Variants in PARP9 observed in about 807,000 individuals in gnomAD.
PARP9 encodes the protein protein mono-ADP-ribosyltransferase PARP9.
PARP9 carries 48 observed loss-of-function variants against 68.8 expected under a neutral mutation model. The ratio of observed to expected loss-of-function variants is 0.70; its 90% CI spans 0.55 to 0.89. The LOEUF (loss-of-function observed/expected upper bound fraction) is 0.89, where lower values mean the gene tolerates loss of function less well. Among genes scored for constraint, PARP9 ranks in the 40% least tolerant of loss-of-function variants. PARP9 has a pLI of 0.00. For missense variants in PARP9, 806 were observed against 969.3 expected (o/e 0.83, Z 2.24); for synonymous variants, 309 against 333.8 (o/e 0.93, Z 0.81).
rs1396892729 is a variant in PARP9, at chr3:122,545,442, G to T, written c.1374C>A (p.Asn458Lys). The change falls in exon 7 of 11, where the codon AAC (asparagine) becomes AAA (lysine). Residue 458 changes from asparagine (N) to lysine (K), a missense_variant. Physicochemically the swap from Asn to Lys is moderately conservative, Grantham distance 94. Transcript: ENST00000682323. ...MAKRSKMLSL[N>K]NYSVPQSTRE... ...GAATTTCTTACTCACCACTGTAATT[G>T]TTCAAACTCAGCATCTTGGACCTCT... 3 of 1,614,194 alleles carry T rather than the reference G, an allele frequency of 1.9e-6. No homozygotes were observed. Among genetic ancestry groups the T allele is most frequent in the Non-Finnish European group, 2.5e-6 (3 of 1,180,024 alleles).
chr3:122,534,791 G>A (rs917651550), intron 10 of PARP9: 3 of 436,914 alleles, frequency 6.9e-6, no homozygotes, highest in African/African-American at 4.3e-5. Flanking sequence ...CAGGAGAACT[G>A]TTTGAATCTC....
Position 122,528,449 on chromosome 3 carries a change from T to C in PARP9, c.2375A>G (p.Gln792Arg). 11 of 1,614,240 alleles carry C rather than the reference T, an allele frequency of 6.8e-6. No homozygotes were observed. Among genetic ancestry groups the C allele is most frequent in the Non-Finnish European group, 9.3e-6 (11 of 1,180,040 alleles). The change falls in exon 11 of 11, where the codon CAG becomes CGG. Residue 792 changes from glutamine (Q) to arginine (R), a missense_variant. This residue lies in a region of PARP9 where 680 missense variants were observed against 858.8 expected (regional missense o/e 0.79). Coordinates refer to ENST00000682323, the MANE Select transcript of PARP9 (RefSeq NM_001146105.2). ...TGGTCCTGATGAGTAATCTTGTGAC[T>C]GTACATATTCCTGGGTGCATGTCCA... ...YLWTCTQEYV[Q>R]SQDYSSGPMR...
intron 6 of PARP9, chr3:122,545,717 G>T: frequency 1.9e-6 from 1 of 526,278 alleles, no homozygotes; most frequent in Non-Finnish European, 3.4e-6. Flanking sequence ...ATCAAAATCT[G>T]GTATAAATAA....
chr3:122,553,978 G>A (rs1000243574), intron 4 of PARP9, among the ~76,000 whole-genome samples: 8 of 152,044 alleles, frequency 5.3e-5, no homozygotes, highest in East Asian at 1.9e-4. Flanking sequence ...TAGGTTCACC[G>A]CTACCCTGAC....
intron 7 of PARP9, 83 bp from the exon 8 acceptor site, chr3:122,540,935 A>G (rs9868934): frequency 0.59 from 836,189 of 1,422,302 alleles, 249,077 homozygotes; most frequent in East Asian, 0.75. Flanking sequence ...CTGTCTCACA[A>G]GCTGGAGTGC....
chr3:122,534,412 G>C (rs867179610), intron 10 of PARP9: 1 of 985,334 alleles, frequency 1.0e-6, no homozygotes, highest in Non-Finnish European at 1.2e-6. Flanking sequence ...ATGGAATAGG[G>C]AGTCCTCTCT....
At chr3:122,562,170 TTTC>T (rs1380025239) in intron 1 of PARP9, among the ~76,000 whole-genome samples, 1 of 80,884 alleles carries the variant, frequency 1.2e-5, no homozygotes, top group Non-Finnish European at 2.9e-5. Context: ...TTTCTTTTCT[TTTC>T]TTTTCTTTTC....
chr3:122,564,500 A>C (rs1342422363), upstream of PARP9: 2 of 1,612,622 alleles, frequency 1.2e-6, no homozygotes, highest in Non-Finnish European at 1.7e-6. Flanking sequence ...GTACGAAGGA[A>C]GCTGGAGAGC....
rs984438365 is a variant in PARP9, at chr3:122,534,128, C to T, written c.2080+2040G>A. 7 of 913,482 alleles carry T rather than the reference C, an allele frequency of 7.7e-6. No individual in the cohort carries two copies. In the African/African-American group the frequency reaches 1.3e-4, roughly 16 times the overall value. The allele number at this position is 913,482 out of a possible 1,614,324, so 56.6% of individuals were successfully genotyped here. Reference sequence around the variant, plus strand: ...GAGCACACAGACAGCAGGTAAGAGACCAAAATCTTGAGTTGAAAGACTATA... The same window carrying T: ...GAGCACACAGACAGCAGGTAAGAGATCAAAATCTTGAGTTGAAAGACTATA... On this transcript the variant is annotated intron_variant, in intron 10 of 10. Transcript: ENST00000682323.
At chr3:122,559,343 C>T (rs370188594) in intron 2 of PARP9, among the ~76,000 whole-genome samples, 2 of 152,138 alleles carry the variant, frequency 1.3e-5, no homozygotes, top group African/African-American at 2.4e-5. Context: ...TACCCCAACC[C>T]GAAAAAGCAG....
chr3:122,546,064 A>G (rs1174841862), intron 6 of PARP9: 1 of 152,382 alleles, frequency 6.6e-6, no homozygotes, highest in Non-Finnish European at 1.5e-5. Context: ...AGATCCATTA[A>G]CATAATGTCT....
In PARP9 at chr3:122,555,345, C is replaced by T; in HGVS notation, c.826G>A (p.Ala276Thr). 1 of 1,614,082 alleles carries T rather than the reference C, an allele frequency of 6.2e-7. No homozygotes were observed. The highest frequency in any genetic ancestry group is 8.5e-7 in the Non-Finnish European group (1 of 1,179,974). ...AGGGTCAGGTTGTTCACGACCATTG[C>T]ATTGAAAGAAGGGGTGGTTTCTTGT... ...LGQETTPSFNAMVVNNLTLQI... is the reference protein window; with the variant it reads ...LGQETTPSFNTMVVNNLTLQI... Residue 276 changes from alanine to threonine, a missense_variant, in exon 4 of 11, where the codon GCA (alanine) becomes ACA (threonine). This residue lies in a region of PARP9 where 680 missense variants were observed against 858.8 expected (regional missense o/e 0.79). Transcript: ENST00000682323.
chr3:122,555,756 T>C lies in PARP9; in HGVS notation c.415A>G (p.Lys139Glu). 6.2e-7 allele frequency: 1 copy of C among 1,614,106 alleles called. No individual in the cohort carries two copies. The highest frequency in any genetic ancestry group is 1.6e-4 in the Middle Eastern group (1 of 6,062). ...ACAGCTATCTCACCAGCTGACACTTTACCATATCTGGCAACAAACTGTTTG... is the reference window on the plus strand; with the variant it reads ...ACAGCTATCTCACCAGCTGACACTTCACCATATCTGGCAACAAACTGTTTG... ...ESKQFVARYG[K>E]VSAGEIAVTG... Residue 139 changes from lysine (K) to glutamate (E), a missense_variant, in exon 4 of 11, where the codon AAA becomes GAA. By Grantham distance (56) the Lys-to-Glu change is moderately conservative. Transcript: ENST00000682323.
intron 4 of PARP9, among the ~76,000 whole-genome samples, chr3:122,554,656 T>G (rs1045439992): frequency 6.6e-6 from 1 of 152,202 alleles, no homozygotes. Flanking sequence ...TAAAGTAACT[T>G]GCTTTGGGTT....
chr3:122,533,979 C>T (rs1298436878), intron 10 of PARP9: 1 of 985,290 alleles, frequency 1.0e-6, no homozygotes, highest in Non-Finnish European at 1.2e-6. Flanking sequence ...GCTTGTCTGG[C>T]ACCTTCTGTT....
chr3:122,564,200 C>T, intron 1 of PARP9, 45 bp downstream of exon 1: 2 of 522,384 alleles, frequency 3.8e-6, no homozygotes, highest in South Asian at 2.7e-5. Context: ...CTCGAGCCTG[C>T]AGGAGAGGGG....
At chr3:122,553,022 GT>G (rs1042823728) in intron 4 of PARP9, among the ~76,000 whole-genome samples, 1 of 152,000 alleles carries the variant, frequency 6.6e-6, no homozygotes, top group Non-Finnish European at 1.5e-5. Context: ...TTCGTCGTGG[GT>G]TTTTGTTTTG....
chr3:122,541,190 G>A (rs1387854113), intron 7 of PARP9, among the ~76,000 whole-genome samples: 1 of 152,248 alleles, frequency 6.6e-6, no homozygotes, highest in Non-Finnish European at 1.5e-5. Context: ...GTGCCCGGCC[G>A]ACTAGTGGGT....
intron 6 of PARP9, among the ~76,000 whole-genome samples, chr3:122,550,272 T>C (rs922055208): frequency 3.3e-5 from 5 of 152,108 alleles, no homozygotes; most frequent in Non-Finnish European, 5.9e-5. Flanking sequence ...AGAGACAGGG[T>C]TTCTCCATGT....
Sources: allele counts gnomAD v4.1 joint callset (sites outside exome capture counted in the v4.1 genomes callset), GRCh38; gene constraint gnomAD v4.1.1; regional missense constraint gnomAD v4.1.1; transcripts MANE v1.5; gene names NCBI Gene and HGNC (gene_info 2026-07-23, HGNC 2026-07-21).